LARGE1: variants seen among roughly 807,000 people sequenced by gnomAD.
LARGE1 encodes xylosyl- and glucuronyltransferase LARGE1.
In LARGE1, 43 loss-of-function variants were observed where a neutral mutation model predicts 87.6. That is an observed-to-expected ratio of 0.49 (90% CI 0.38 to 0.63). The LOEUF is 0.63. Ranked by LOEUF, LARGE1 falls within the 30% of genes least tolerant of loss-of-function variation. The probability of loss-of-function intolerance (pLI) is 0.00; values close to 1 mark genes in which losing one functional copy is unlikely to be tolerated. For missense variants in LARGE1, 802 were observed against 1,000.2 expected (o/e 0.80, Z 2.67); for synonymous variants, 434 against 394.6 (o/e 1.10, Z -1.18).
At chr22:33,716,623 C>T (rs760745839) in intron 2 of LARGE1, among the ~76,000 whole-genome samples, 5 of 152,180 alleles carry the variant, frequency 3.3e-5, no homozygotes, top group Non-Finnish European at 5.9e-5. Flanking sequence ...GTCTCGAACT[C>T]CTGCATTCAA....
chr22:33,490,806 A>C (rs2069805731), intron 6 of LARGE1, among the ~76,000 whole-genome samples: 1 of 152,226 alleles, frequency 6.6e-6, no homozygotes, highest in Admixed American at 6.5e-5. Context: ...CAGGACTGAC[A>C]CTTTAGTAGC....
At chr22:33,091,400 A>C in the LARGE1 span, among the ~76,000 whole-genome samples, 1 of 152,150 alleles carries the variant, frequency 6.6e-6, no homozygotes. Context: ...GTCTTTACTA[A>C]AAATACAAAA....
chr22:33,736,986 A>C (rs2083677855), intron 2 of LARGE1, among the ~76,000 whole-genome samples: 1 of 152,172 alleles, frequency 6.6e-6, no homozygotes, highest in African/African-American at 2.4e-5. Context: ...CTGGCTTCCC[A>C]CAAAAGATGT....
At chr22:33,460,874 A>T (rs1267428464) in intron 6 of LARGE1, among the ~76,000 whole-genome samples, 1 of 152,220 alleles carries the variant, frequency 6.6e-6, no homozygotes, top group Non-Finnish European at 1.5e-5. Flanking sequence ...ATCTCCACTG[A>T]GAATTCTTAA....
chr22:33,181,904 G>A (rs930740430), intron 11 of LARGE1, among the ~76,000 whole-genome samples: 2 of 139,494 alleles, frequency 1.4e-5, no homozygotes, highest in African/African-American at 2.7e-5. Context: ...GATCTCGGCC[G>A]CCTCAGCCTC....
intron 6 of LARGE1, among the ~76,000 whole-genome samples, chr22:33,465,309 A>G (rs1348796963): frequency 6.6e-6 from 1 of 152,218 alleles, no homozygotes; most frequent in Non-Finnish European, 1.5e-5. Flanking sequence ...GGAAGTGATA[A>G]ATCCAAAATT....
At chr22:33,706,442 A>T (rs1371933531) in intron 2 of LARGE1, among the ~76,000 whole-genome samples, 2 of 152,222 alleles carry the variant, frequency 1.3e-5, no homozygotes, top group East Asian at 3.8e-4. Flanking sequence ...GTATCCTGGT[A>T]TAAGGGGTGA....
chr22:33,096,423 A>G, the LARGE1 span, among the ~76,000 whole-genome samples: 1 of 152,012 alleles, frequency 6.6e-6, no homozygotes, highest in East Asian at 1.9e-4. Flanking sequence ...CTCAAAAAAA[A>G]AAAAAAAAAA....
chr22:33,762,971 C>G (rs972553775), intron 1 of LARGE1, among the ~76,000 whole-genome samples: 2 of 152,186 alleles, frequency 1.3e-5, no homozygotes, highest in South Asian at 2.1e-4. Context: ...GTCTATAAAA[C>G]AGCTGGCTTG....
At chr22:33,753,607 C>T (rs1310553930) in intron 2 of LARGE1, among the ~76,000 whole-genome samples, 2 of 152,148 alleles carry the variant, frequency 1.3e-5, no homozygotes, top group African/African-American at 4.8e-5. Flanking sequence ...ATACAAGTTG[C>T]ATGTTGGGAC....
At chr22:33,739,943 T>C (rs2267280) in intron 2 of LARGE1, among the ~76,000 whole-genome samples, 7,314 of 152,284 alleles carry the variant, frequency 0.048, 275 homozygotes, top group East Asian at 0.21. Flanking sequence ...GCTGATTTTC[T>C]GCAGGGCTCA....
intron 2 of LARGE1, among the ~76,000 whole-genome samples, chr22:33,736,437 T>C (rs1393043439): frequency 1.3e-5 from 2 of 152,264 alleles, no homozygotes; most frequent in South Asian, 4.1e-4. Context: ...TGTATCTTCT[T>C]TGGAGAAATA....
At chr22:33,623,966 GTT>G (rs2079838854) in intron 4 of LARGE1, among the ~76,000 whole-genome samples, 1 of 151,996 alleles carries the variant, frequency 6.6e-6, no homozygotes, top group African/African-American at 2.4e-5. Context: ...GGAGGCAGAG[GTT>G]TCAGTGAGCC....
intron 6 of LARGE1, among the ~76,000 whole-genome samples, chr22:33,515,292 G>C (rs1364605271): frequency 6.6e-6 from 1 of 152,168 alleles, no homozygotes; most frequent in Non-Finnish European, 1.5e-5. Context: ...TTCTTTTACA[G>C]CATTGCAAGT....
intron 4 of LARGE1, among the ~76,000 whole-genome samples, chr22:33,610,377 T>G (rs1345678466): frequency 6.6e-6 from 1 of 152,180 alleles, no homozygotes; most frequent in Non-Finnish European, 1.5e-5. Context: ...TATTGGGAAC[T>G]TGATTAAAGG....
At chr22:33,646,445 C>T (rs1178667608) in intron 3 of LARGE1, among the ~76,000 whole-genome samples, 2 of 151,776 alleles carry the variant, frequency 1.3e-5, no homozygotes, top group East Asian at 3.9e-4. Context: ...AGGGGCGGGG[C>T]AAGGGGAGGG....
At chr22:33,859,907 T>C (rs1315814908) in intron 1 of LARGE1, among the ~76,000 whole-genome samples, 2 of 152,122 alleles carry the variant, frequency 1.3e-5, no homozygotes, top group African/African-American at 2.4e-5. Flanking sequence ...ATTCCACTCA[T>C]ATAAAGTACC....
At chr22:33,104,847 A>G in the LARGE1 span, among the ~76,000 whole-genome samples, 1 of 152,164 alleles carries the variant, frequency 6.6e-6, no homozygotes, top group African/African-American at 2.4e-5. Flanking sequence ...GCCCGTTTTC[A>G]TGGCTCATAA....
intron 11 of LARGE1, among the ~76,000 whole-genome samples, chr22:33,235,675 CAT>C (rs1926217547): frequency 6.6e-6 from 1 of 152,152 alleles, no homozygotes; most frequent in African/African-American, 2.4e-5. Flanking sequence ...ATGGACTTCT[CAT>C]AGCAGGATGG....
Sources: allele counts gnomAD v4.1 joint callset (sites outside exome capture counted in the v4.1 genomes callset), GRCh38; gene constraint gnomAD v4.1.1; transcripts MANE v1.5; gene names NCBI Gene and HGNC (gene_info 2026-07-23, HGNC 2026-07-21).